The following CHRM2 variants were observed in gnomAD, a reference collection of about 807,000 sequenced individuals.
CHRM2 encodes the protein cholinergic receptor muscarinic 2, also known as muscarinic acetylcholine receptor M2.
Under a neutral mutation model 25.0 loss-of-function variants are expected in CHRM2, and 8 were observed. The observed-to-expected ratio is 0.32, with a 90% CI of 0.19 to 0.58. CHRM2 has a LOEUF of 0.58. Ranked by LOEUF, CHRM2 falls within the 20% of genes least tolerant of loss-of-function variation. The pLI is 0.88. For synonymous variants in CHRM2, 202 were observed against 205.7 expected, an observed-to-expected ratio of 0.98 and a Z score of 0.15; for missense variants, 440 against 567.1, an observed-to-expected ratio of 0.78 and a Z score of 2.28.
At chr7:136,879,593 C>T (rs1245092749) in intron 2 of CHRM2, among the ~76,000 whole-genome samples, 1 of 151,928 alleles carries the variant, frequency 6.6e-6, no homozygotes, top group Non-Finnish European at 1.5e-5. Context: ...AATATTTTTA[C>T]ATACTGACAC....
intron 2 of CHRM2, among the ~76,000 whole-genome samples, chr7:136,940,767 A>G (rs542166803): frequency 4.6e-5 from 7 of 152,310 alleles, no homozygotes; most frequent in Non-Finnish European, 8.8e-5. Context: ...AGGTACTATT[A>G]TTTTCCTTTT....
At chr7:136,977,388 CT>C (rs11348259) in intron 2 of CHRM2, among the ~76,000 whole-genome samples, 135,738 of 151,306 alleles carry the variant, frequency 0.9, 61,321 homozygotes, top group Middle Eastern at 0.97. Context: ...TTCCCTGAAT[CT>C]TTTTTTTTTC....
intron 2 of CHRM2, among the ~76,000 whole-genome samples, chr7:136,914,998 T>C (rs1355567329): frequency 6.6e-6 from 1 of 151,888 alleles, no homozygotes; most frequent in Non-Finnish European, 1.5e-5. Context: ...GAGGGGATAA[T>C]GCACTCAACA....
chr7:136,948,436 G>A (rs1378647), intron 2 of CHRM2, among the ~76,000 whole-genome samples: 101,556 of 151,958 alleles, frequency 0.67, 34,687 homozygotes, highest in African/African-American at 0.78. Flanking sequence ...TGGATCACTG[G>A]AAATGAGCGG....
In CHRM2 at chr7:137,018,820, A is replaced by G. The variant is rs1805304677; in HGVS notation, c.*2554A>G. On this transcript the variant is annotated 3_prime_UTR_variant, in exon 4 of 4. Coordinates refer to ENST00000680005, the MANE Select transcript of CHRM2 (RefSeq NM_001006630.2). ...TCAAACAGATAAGAAAAATGGAAGG[A>G]ATACTGAAAATGATAGATGATTGGA... is the stretch of plus-strand genomic sequence containing the variant. 6.6e-6 allele frequency: 1 copy of G among 151,958 alleles called. No homozygotes were observed. Among genetic ancestry groups the G allele is most frequent in the South Asian group, 2.1e-4 (1 of 4,838 alleles). 9.4% of individuals were successfully genotyped at this position (151,958 alleles called of 1,614,324 possible). A position where few individuals can be genotyped will look rare whatever the true frequency, so the allele number is the denominator to read the frequency against.
intron 3 of CHRM2, among the ~76,000 whole-genome samples, chr7:137,007,828 T>A (rs1329278370): frequency 6.6e-6 from 1 of 152,098 alleles, no homozygotes; most frequent in African/African-American, 2.4e-5. Flanking sequence ...GAACCTTTCT[T>A]TAGAGAAAGG....
Position 137,016,202 on chromosome 7 carries a change from C to T in CHRM2, c.1337C>T (p.Thr446Ile), listed in dbSNP as rs1401470098. The T allele has an allele frequency of 6.2e-7, 1 of 1,612,868 alleles. No individual in the cohort carries two copies. The highest frequency in any genetic ancestry group is 1.3e-5 in the African/African-American group (1 of 74,804). Residue 446 changes from threonine to isoleucine, a missense_variant, in exon 4 of 4, where the codon ACC (threonine) becomes ATC (isoleucine). Around this residue, in one of 5 missense-constraint regions of CHRM2, gnomAD observed 65 missense variants for 108.9 expected, o/e 0.60. Transcript: ENST00000680005. ...NPACYALCNA[T>I]FKKTFKHLLM... ...GCCTGCTATGCACTTTGCAATGCCA[C>T]CTTCAAGAAGACCTTTAAACACCTT...
At chr7:136,957,602 A>G (rs560016685) in intron 2 of CHRM2, among the ~76,000 whole-genome samples, 1 of 152,332 alleles carries the variant, frequency 6.6e-6, no homozygotes, top group East Asian at 1.9e-4. Context: ...CAAACAGAGT[A>G]TTTATGGGAT....
intron 2 of CHRM2, among the ~76,000 whole-genome samples, chr7:136,886,258 A>G (rs1796460496): frequency 6.6e-6 from 1 of 152,208 alleles, no homozygotes; most frequent in Non-Finnish European, 1.5e-5. Flanking sequence ...AAGTGGGTCC[A>G]TGAAAACACC....
At position 136,875,275 on chromosome 7, in the gene CHRM2, A is replaced by C. The variant is rs375319852; in HGVS notation, c.-125+5857A>C. 2.4e-4 allele frequency among the ~76,000 whole-genome samples: 37 copies of C among 152,098 alleles called. No individual in the cohort carries two copies. The Middle Eastern group carries it at 0.01, about 42-fold the overall frequency. The stretch of plus-strand genomic sequence containing the variant: ...GAGTGGAGGTATTTGTTAGGTGAGA[A>C]ACGTAGACGTTTTACTCTTACTTAC... On this transcript the variant is annotated intron_variant, in intron 2 of 3. Transcript: ENST00000680005.
intron 2 of CHRM2, among the ~76,000 whole-genome samples, chr7:136,897,165 T>TA (rs1796947814): frequency 6.6e-6 from 1 of 150,426 alleles, no homozygotes; most frequent in African/African-American, 2.4e-5. Flanking sequence ...AGAGAGAAGT[T>TA]AGGTTTCCAG....
intron 3 of CHRM2, among the ~76,000 whole-genome samples, chr7:137,003,523 CACACACACACACA>C (rs1804211301): frequency 1.4e-5 from 1 of 73,176 alleles, no homozygotes; most frequent in Admixed American, 1.6e-4. Flanking sequence ...CACACACACA[CACACACACACACA>C]CTAGTTAGGT....
At chr7:136,958,767 G>C (rs1800881086) in intron 2 of CHRM2, among the ~76,000 whole-genome samples, 1 of 152,024 alleles carries the variant, frequency 6.6e-6, no homozygotes, top group Admixed American at 6.6e-5. Context: ...AGCATCATCT[G>C]TTGAGAGTAA....
intron 2 of CHRM2, among the ~76,000 whole-genome samples, chr7:136,897,817 G>C (rs1391991208): frequency 3.6e-4 from 55 of 151,314 alleles, no homozygotes; most frequent in Non-Finnish European, 7.4e-5. Flanking sequence ...TTCATTTTTT[G>C]TTCATAATTT....
chr7:136,936,250 T>C (rs1045579891), intron 2 of CHRM2, among the ~76,000 whole-genome samples: 2 of 152,172 alleles, frequency 1.3e-5, no homozygotes, highest in South Asian at 2.1e-4. Context: ...TCACCGCTAA[T>C]GTTACTGGTC....
intron 2 of CHRM2, among the ~76,000 whole-genome samples, chr7:136,920,886 T>C (rs1455244979): frequency 6.6e-6 from 1 of 152,070 alleles, no homozygotes; most frequent in East Asian, 1.9e-4. Context: ...AAAATTCTCC[T>C]TCCCAAGGAG....
intron 2 of CHRM2, among the ~76,000 whole-genome samples, chr7:136,990,754 G>T (rs772767856): frequency 2.6e-5 from 4 of 152,094 alleles, no homozygotes; most frequent in Non-Finnish European, 5.9e-5. Context: ...TTATTTGCTG[G>T]ATCTTATGGT....
intron 2 of CHRM2, among the ~76,000 whole-genome samples, chr7:136,886,006 A>T (rs1796449202): frequency 6.6e-6 from 1 of 152,206 alleles, no homozygotes; most frequent in Admixed American, 6.5e-5. Flanking sequence ...CCAGACTATG[A>T]AAGAGTCAGT....
intron 3 of CHRM2, among the ~76,000 whole-genome samples, chr7:137,010,330 G>A (rs1221650491): frequency 6.6e-6 from 1 of 152,012 alleles, no homozygotes; most frequent in Non-Finnish European, 1.5e-5. Context: ...AGTACTTCCA[G>A]GCCTTAGTCA....
Sources: allele counts gnomAD v4.1 joint callset (sites outside exome capture counted in the v4.1 genomes callset), GRCh38; gene constraint gnomAD v4.1.1; regional missense constraint gnomAD v4.1.1; transcripts MANE v1.5; gene names NCBI Gene and HGNC (gene_info 2026-07-23, HGNC 2026-07-21).